The following PCLO variants were observed in gnomAD, a reference collection of about 807,000 sequenced individuals.
The protein encoded by PCLO is piccolo presynaptic cytomatrix protein, also known as protein piccolo.
In PCLO, 82 loss-of-function variants were observed where a neutral mutation model predicts 427.5. The ratio of observed to expected loss-of-function variants is 0.19; its 90% CI spans 0.16 to 0.23. PCLO has a LOEUF of 0.23. Ranked by LOEUF, PCLO falls within the 10% of genes least tolerant of loss-of-function variation. The pLI is 1.00. For synonymous variants in PCLO, 2,357 were observed against 2,155.4 expected (o/e 1.09, Z -2.59); for missense variants, 6,239 against 6,115.9 (o/e 1.02, Z -0.67).
chr7:83,086,657 A>C (rs1389653234), intron 3 of PCLO, among the ~76,000 whole-genome samples: 2 of 152,104 alleles, frequency 1.3e-5, no homozygotes, highest in East Asian at 1.9e-4. Context: ...TGCTGGCACA[A>C]CCTTGACCAT....
At chr7:83,011,179 T>G (rs1394196740) in intron 3 of PCLO, among the ~76,000 whole-genome samples, 1 of 152,058 alleles carries the variant, frequency 6.6e-6, no homozygotes, top group Non-Finnish European at 1.5e-5. Flanking sequence ...AAACTTTTAT[T>G]TACCTTGTCT....
At chr7:83,092,363 C>T (rs1790399144) in intron 3 of PCLO, among the ~76,000 whole-genome samples, 2 of 149,878 alleles carry the variant, frequency 1.3e-5, no homozygotes, top group Admixed American at 6.8e-5. Flanking sequence ...CCAGAATTGA[C>T]AACTACTTGA....
chr7:83,021,725 C>T (rs1422145018), intron 3 of PCLO, among the ~76,000 whole-genome samples: 3 of 152,064 alleles, frequency 2.0e-5, no homozygotes, highest in Non-Finnish European at 2.9e-5. Flanking sequence ...AAGAGTAAAG[C>T]GTCTAATTCT....
intron 10 of PCLO, among the ~76,000 whole-genome samples, chr7:82,866,199 A>C (rs1047992638): frequency 3.3e-5 from 5 of 152,018 alleles, no homozygotes; most frequent in African/African-American, 7.2e-5. Flanking sequence ...GGCTTTACTG[A>C]ATTTTTGCCT....
At chr7:82,990,972 T>C (rs142136798) in intron 3 of PCLO, among the ~76,000 whole-genome samples, 5 of 152,282 alleles carry the variant, frequency 3.3e-5, no homozygotes, top group African/African-American at 1.2e-4. Context: ...AATTTTAGAA[T>C]GAGCTAATAG....
At chr7:82,906,006 TATAGATAGATAGATAG>T (rs35608595) in intron 8 of PCLO, among the ~76,000 whole-genome samples, 2,721 of 146,720 alleles carry the variant, frequency 0.019, 77 homozygotes, top group African/African-American at 0.064. Context: ...AGGTTAAGCA[TATAGATAGATAGATAG>T]ATAGATAGAT....
At chr7:82,943,892 T>C (rs1040606732) in intron 6 of PCLO, among the ~76,000 whole-genome samples, 1 of 151,848 alleles carries the variant, frequency 6.6e-6, no homozygotes, top group Non-Finnish European at 1.5e-5. Context: ...GTGCGGTGGC[T>C]CACGTCTGTA....
intron 20 of PCLO, among the ~76,000 whole-genome samples, chr7:82,814,375 C>A (rs1483115667): frequency 6.6e-6 from 1 of 151,282 alleles, no homozygotes; most frequent in Non-Finnish European, 1.5e-5. Context: ...GGAAGAAGTC[C>A]TTGGTTATTC....
chr7:82,906,006 T>TATAGATAG (rs35608595), intron 8 of PCLO, among the ~76,000 whole-genome samples: 10,679 of 146,666 alleles, frequency 0.073, 407 homozygotes, highest in East Asian at 0.11. Flanking sequence ...AGGTTAAGCA[T>TATAGATAG]ATAGATAGAT....
intron 3 of PCLO, among the ~76,000 whole-genome samples, chr7:82,977,103 C>T (rs1648716961): frequency 6.6e-6 from 1 of 151,948 alleles, no homozygotes; most frequent in African/African-American, 2.4e-5. Context: ...CACCCACTAT[C>T]CACTGAAGAA....
chr7:82,976,447 T>G (rs778256049), intron 3 of PCLO, among the ~76,000 whole-genome samples: 5 of 152,190 alleles, frequency 3.3e-5, no homozygotes, highest in Non-Finnish European at 7.3e-5. Context: ...AATCTCTTAT[T>G]ATATATATTT....
At chr7:82,760,466 G>A (rs1309820703) in intron 24 of PCLO, among the ~76,000 whole-genome samples, 173 bp downstream of exon 24, 2 of 151,950 alleles carry the variant, frequency 1.3e-5, no homozygotes, top group African/African-American at 4.8e-5. Flanking sequence ...GATTGGATGG[G>A]GTGAGTGGGC....
chr7:82,775,520 C>A (rs1790731200), intron 22 of PCLO, among the ~76,000 whole-genome samples: 1 of 152,102 alleles, frequency 6.6e-6, no homozygotes, highest in South Asian at 2.1e-4. Flanking sequence ...TGCTTATTTG[C>A]CATCTATACA....
At chr7:83,122,171 G>A (rs1791296878) in intron 3 of PCLO, among the ~76,000 whole-genome samples, 1 of 151,462 alleles carries the variant, frequency 6.6e-6, no homozygotes, top group Non-Finnish European at 1.5e-5. Context: ...CACAATAAAA[G>A]CCATATAAAA....
chr7:82,838,190 A>C (rs375248168), intron 15 of PCLO, 28 bp downstream of exon 15: 111 of 1,536,742 alleles, frequency 7.2e-5, no homozygotes, highest in Non-Finnish European at 1.3e-5. Context: ...TTAAAGCATG[A>C]GATGAAGTAC....
At chr7:83,076,643 GT>G (rs200052422) in intron 3 of PCLO, among the ~76,000 whole-genome samples, 1 of 133,976 alleles carries the variant, frequency 7.5e-6, no homozygotes, top group African/African-American at 2.8e-5. Context: ...TTTTTTTGCA[GT>G]TTTTTTTTAT....
intron 6 of PCLO, among the ~76,000 whole-genome samples, chr7:82,921,251 A>T (rs34223426): frequency 0.15 from 23,519 of 151,892 alleles, 2,397 homozygotes; most frequent in Non-Finnish European, 0.22. Context: ...GGAACCAAAA[A>T]ATAGCTCAAA....
At chr7:83,141,835 G>T (rs1421763577) in intron 2 of PCLO, among the ~76,000 whole-genome samples, 1 of 152,106 alleles carries the variant, frequency 6.6e-6, no homozygotes, top group Non-Finnish European at 1.5e-5. Flanking sequence ...TCAAAATAAA[G>T]TATCAAAGCT....
At chr7:83,114,318 CATGATGT>C (rs1424386882) in intron 3 of PCLO, among the ~76,000 whole-genome samples, 1 of 151,944 alleles carries the variant, frequency 6.6e-6, no homozygotes, top group African/African-American at 2.4e-5. Flanking sequence ...TATTAGGGAA[CATGATGT>C]GGGGTCAAGA....
Sources: gnomAD v4.1 joint callset for allele counts (sites outside exome capture counted in the v4.1 genomes callset) on GRCh38, gnomAD v4.1.1 for gene constraint, MANE v1.5 for transcripts, NCBI Gene and HGNC (gene_info 2026-07-23, HGNC 2026-07-21) for gene names.